Variants in ABCA4 observed in about 807,000 individuals in gnomAD.
The protein encoded by ABCA4 is ATP binding cassette subfamily A member 4.
ABCA4 carries 196 observed loss-of-function variants against 263.7 expected under a neutral mutation model. That is an observed-to-expected ratio of 0.74 (90% CI 0.66 to 0.84). The LOEUF (loss-of-function observed/expected upper bound fraction) is 0.84. ABCA4 is among the 40% of genes least tolerant of loss of function. ABCA4 has a pLI of 0.00. For missense variants in ABCA4, 2,792 were observed against 2,855.1 expected (o/e 0.98, Z 0.50); for synonymous variants, 1,133 against 1,094.2 (o/e 1.04, Z -0.70).
At chr1:94,045,417 G>A (rs1235897571) in intron 19 of ABCA4, among the ~76,000 whole-genome samples, 1 of 151,166 alleles carries the variant, frequency 6.6e-6, no homozygotes, top group Non-Finnish European at 1.5e-5. Flanking sequence ...TTAGAACAGC[G>A]CCAGCATAAA....
chr1:94,005,685 T>A, intron 43 of ABCA4, 103 bp from the exon 44 acceptor site: 1 of 1,152,896 alleles, frequency 8.7e-7, no homozygotes, highest in Non-Finnish European at 1.3e-6. Flanking sequence ...GGAAGCTGCT[T>A]CTTCTCTTCT....
intron 36 of ABCA4, 122 bp downstream of exon 36, chr1:94,019,460 G>T: frequency 1.7e-6 from 2 of 1,160,594 alleles, no homozygotes; most frequent in Non-Finnish European, 2.4e-6. Flanking sequence ...CCTTGGCCCA[G>T]TGCCTTTCAG....
intron 45 of ABCA4, chr1:94,001,559 C>T (rs1190423240): frequency 1.7e-6 from 1 of 589,916 alleles, no homozygotes; most frequent in Non-Finnish European, 3.2e-6. Flanking sequence ...GGACCAGACA[C>T]CGACAGGCCG....
intron 7 of ABCA4, among the ~76,000 whole-genome samples, chr1:94,082,027 C>T (rs184086752): frequency 2.4e-3 from 368 of 152,320 alleles, no homozygotes; most frequent in African/African-American, 8.3e-3. Context: ...GCCATGTTTA[C>T]GTGTCATCCC....
At chr1:94,060,223 T>C (rs1420570330) in intron 14 of ABCA4, among the ~76,000 whole-genome samples, 1 of 152,216 alleles carries the variant, frequency 6.6e-6, no homozygotes. Flanking sequence ...ACCACTTTAA[T>C]TACACTATCA....
Position 94,103,119 on chromosome 1 carries a change from T to C in ABCA4, c.466A>G (p.Ile156Val), listed in dbSNP as rs62646863. Residue 156 changes from isoleucine (I) to valine (V), a missense_variant, in exon 5 of 50, where the codon ATC becomes GTC. Physicochemically the swap from Ile to Val is conservative, Grantham distance 29. Transcript: ENST00000370225. The stretch of plus-strand genomic sequence containing the variant: ...GTCAGTGTTTCTTCATCTTTCAAGA[T>C]ATCCCTTATTCGTATTCCTCTTCCT... Reference protein sequence around the residue: ...IAGRGIRIRDILKDEETLTLF... With the variant: ...IAGRGIRIRDVLKDEETLTLF... 3,215 of 1,614,124 alleles carry C rather than the reference T, an allele frequency of 2.0e-3. 11 individuals are homozygous for C. The highest frequency in any genetic ancestry group is 5.7e-3 in the Admixed American group (341 of 60,018).
intron 1 of ABCA4, among the ~76,000 whole-genome samples, chr1:94,119,544 G>T (rs1038553829): frequency 6.6e-6 from 1 of 152,140 alleles, no homozygotes; most frequent in Non-Finnish European, 1.5e-5. Context: ...CCGAGGTCAG[G>T]TTCAGAGATC....
Position 94,011,316 on chromosome 1 carries a change from C to A in ABCA4, c.5530G>T (p.Gly1844Cys), listed in dbSNP as rs2101008373. The A allele has an allele frequency of 1.2e-6, 2 of 1,614,040 alleles. No homozygotes were observed. The highest frequency in any genetic ancestry group is 1.7e-5 in the Admixed American group (1 of 60,018). The stretch of plus-strand genomic sequence containing the variant: ...TGGCTCAGTGCAAGGTCAATGAGGC[C>A]CCGGCCCAGGCAGAAGTGGGGGAAG... ...IVFPHFCLGR[G>C]LIDLALSQAV... The change falls in exon 39 of 50, where the codon GGC (glycine) becomes TGC (cysteine). Residue 1844 changes from glycine (G) to cysteine (C), a missense_variant. By Grantham distance (159) the Gly-to-Cys change is radical. Coordinates refer to ENST00000370225, the MANE Select transcript of ABCA4 (RefSeq NM_000350.3).
intron 6 of ABCA4, among the ~76,000 whole-genome samples, chr1:94,093,173 C>T (rs1012044774): frequency 4.6e-5 from 7 of 152,164 alleles, no homozygotes; most frequent in African/African-American, 1.7e-4. Context: ...CTGAATACTT[C>T]ATAAACAGAG....
intron 39 of ABCA4, 145 bp downstream of exon 39, chr1:94,011,117 C>G: frequency 6.5e-7 from 1 of 1,541,500 alleles, no homozygotes; most frequent in Non-Finnish European, 8.9e-7. Flanking sequence ...CACCCTAATC[C>G]TCTCCAGCTG....
intron 35 of ABCA4, 138 bp downstream of exon 35, chr1:94,021,102 G>T: frequency 1.7e-6 from 2 of 1,194,842 alleles, no homozygotes; most frequent in Non-Finnish European, 2.5e-6. Context: ...TTATTTGAAA[G>T]TCGGATGTTC....
At chr1:94,104,314 CA>C (rs1662362426) in intron 4 of ABCA4, among the ~76,000 whole-genome samples, 1 of 152,198 alleles carries the variant, frequency 6.6e-6, no homozygotes, top group Admixed American at 6.5e-5. Flanking sequence ...CCGAGTGCTT[CA>C]GGGGCATGGG....
At position 94,000,564 on chromosome 1, in the gene ABCA4, A is replaced by G. The variant is rs113740227; in HGVS notation, c.6479+272T>C. Among the ~76,000 whole-genome samples the G allele has an allele frequency of 6.5e-3, 995 of 152,222 alleles. 15 individuals are homozygous for G. The highest frequency in any genetic ancestry group is 0.023 in the African/African-American group (946 of 41,534). The stretch of plus-strand genomic sequence containing the variant: ...GAGGCAGTGGTAGCAGCCCTCCCTC[A>G]TCCCAGCCAGGCTCTGCATGCATCC... On this transcript the variant is annotated intron_variant, in intron 47 of 49. Coordinates refer to ENST00000370225, the MANE Select transcript of ABCA4 (RefSeq NM_000350.3).
At position 94,113,071 on chromosome 1, in the gene ABCA4, AAAAAC is replaced by A. The variant is rs1662657103; in HGVS notation, c.67-10_67-6del. The A allele has an allele frequency of 3.7e-6, 6 of 1,613,764 alleles. No individual in the cohort carries two copies. The highest frequency in any genetic ancestry group is 4.2e-6 in the Non-Finnish European group (5 of 1,179,694). On this transcript the variant is annotated splice_polypyrimidine_tract_variant and splice_region_variant and intron_variant, in intron 1 of 49. Coordinates refer to ENST00000370225, the MANE Select transcript of ABCA4 (RefSeq NM_000350.3). Reference sequence around the variant, plus strand: ...GAGTTCCACCACAAAGCGAATCTGGAAAAACAAAACAAAAAGAGAGAAAGTTCAGT... The same window carrying A: ...GAGTTCCACCACAAAGCGAATCTGGAAAAACAAAAAGAGAGAAAGTTCAGT...
rs149897438 is a variant in ABCA4 at position 94,021,163 on chromosome 1, G to A, written c.5018+77C>T. The stretch of plus-strand genomic sequence containing the variant: ...CCATCCAAATCAGCACTTCGCGGTG[G>A]TGAGAATCCTCTCAGGATGTTCAAA... On this transcript the variant is annotated intron_variant, in intron 35 of 49. Transcript: ENST00000370225. The A allele has an allele frequency of 2.8e-4, 449 of 1,597,096 alleles. 3 individuals carry two copies. The African/African-American group carries it at 4.4e-3, about 16-fold the overall frequency.
intron 1 of ABCA4, among the ~76,000 whole-genome samples, chr1:94,116,055 C>T (rs1391902339): frequency 2.6e-5 from 4 of 152,172 alleles, no homozygotes; most frequent in Non-Finnish European, 4.4e-5. Context: ...AGGCTTGTCA[C>T]GCACTCTCCT....
intron 17 of ABCA4, among the ~76,000 whole-genome samples, chr1:94,050,379 C>T (rs1290653467): frequency 5.9e-5 from 9 of 152,172 alleles, no homozygotes; most frequent in Non-Finnish European, 1.2e-4. Flanking sequence ...GTCTCCTGGG[C>T]TCCATTTTTT....
chr1:94,053,841 C>A (rs1347505445), intron 16 of ABCA4, among the ~76,000 whole-genome samples: 1 of 152,224 alleles, frequency 6.6e-6, no homozygotes, highest in Non-Finnish European at 1.5e-5. Flanking sequence ...CAAACCCAGG[C>A]CTCCTGACCC....
intron 39 of ABCA4, 66 bp from the exon 40 acceptor site, chr1:94,010,995 C>T: frequency 6.2e-7 from 1 of 1,613,088 alleles, no homozygotes; most frequent in East Asian, 2.2e-5. Context: ...CTGGCCACAG[C>T]ACAGGGCCCA....
Sources: allele counts gnomAD v4.1 joint callset (sites outside exome capture counted in the v4.1 genomes callset), GRCh38; gene constraint gnomAD v4.1.1; transcripts MANE v1.5; gene names NCBI Gene and HGNC (gene_info 2026-07-23, HGNC 2026-07-21).